The following VIPR1 variants were observed in gnomAD, a reference collection of about 807,000 sequenced individuals.
VIPR1 encodes vasoactive intestinal polypeptide receptor 1.
VIPR1 carries 59 observed loss-of-function variants against 58.8 expected under a neutral mutation model. The observed-to-expected ratio is 1.00, with a 90% CI of 0.81 to 1.25. The LOEUF is 1.25. Among genes scored for constraint, VIPR1 ranks in the 50% most tolerant of loss-of-function variants. The probability of loss-of-function intolerance (pLI) is 0.00; values close to 1 mark genes in which losing one functional copy is unlikely to be tolerated. For synonymous variants in VIPR1, 251 were observed against 242.1 expected (o/e 1.04, Z -0.34); for missense variants, 626 against 602.7 (o/e 1.04, Z -0.40).
intron 2 of VIPR1, among the ~76,000 whole-genome samples, chr3:42,518,536 C>T (rs539990079): frequency 1.1e-4 from 16 of 152,182 alleles, no homozygotes; most frequent in African/African-American, 3.1e-4. Flanking sequence ...GTCAGGAGTT[C>T]GAGATCAGCC....
chr3:42,493,204 C>T (rs113508101), intron 1 of VIPR1, among the ~76,000 whole-genome samples: 334 of 152,258 alleles, frequency 2.2e-3, no homozygotes, highest in African/African-American at 7.5e-3. Context: ...CAGTGAGACC[C>T]GAGGCTATCT....
intron 1 of VIPR1, among the ~76,000 whole-genome samples, chr3:42,513,144 A>G (rs1700441938): frequency 6.6e-6 from 1 of 152,158 alleles, no homozygotes; most frequent in Non-Finnish European, 1.5e-5. Context: ...GTATAGCTTG[A>G]ATTATTTAGA....
At position 42,535,116 on chromosome 3, in the gene VIPR1, T is replaced by G. The variant is rs1451176629; in HGVS notation, c.1140+12T>G. On this transcript the variant is annotated intron_variant, in intron 11 of 12. Transcript: ENST00000325123. ...TGGGGTCTTTCCAGGTATGGGCTGT[T>G]GACTTAAGGCTGCATTCTTCCCTGG... 6.2e-6 allele frequency: 10 copies of G among 1,614,238 alleles called. No homozygotes were observed. The highest frequency in any genetic ancestry group is 8.5e-6 in the Non-Finnish European group (10 of 1,180,034).
chr3:42,531,600 T>C, intron 8 of VIPR1, 69 bp downstream of exon 8: 1 of 1,580,114 alleles, frequency 6.3e-7, no homozygotes, highest in Non-Finnish European at 8.6e-7. Flanking sequence ...GGGATGATAA[T>C]GCCATCTGGC....
intron 1 of VIPR1, among the ~76,000 whole-genome samples, chr3:42,505,321 T>G (rs1700068376): frequency 6.6e-6 from 1 of 152,236 alleles, no homozygotes; most frequent in Non-Finnish European, 1.5e-5. Context: ...ACAGGACCAA[T>G]GGGCCTGCCC....
At position 42,528,131 on chromosome 3, in the gene VIPR1, T is replaced by A; in HGVS notation, c.636+8T>A. 2 of 1,612,282 alleles carry A rather than the reference T, an allele frequency of 1.2e-6. No homozygotes were observed. Among genetic ancestry groups the A allele is most frequent in the Non-Finnish European group, 1.7e-6 (2 of 1,179,312 alleles). ...CAGTGCTCCGAGGGCTCGGTGAGGA[T>A]CCTGGCCCTGGCCCACCTCCCTCAG... On this transcript the variant is annotated splice_region_variant and intron_variant, in intron 6 of 12. Transcript: ENST00000325123.
intron 1 of VIPR1, among the ~76,000 whole-genome samples, chr3:42,511,294 T>C (rs1417402545): frequency 6.6e-6 from 1 of 152,236 alleles, no homozygotes; most frequent in Non-Finnish European, 1.5e-5. Flanking sequence ...CTTTAAGGTT[T>C]CCAGTCCAGT....
chr3:42,532,620 C>G, intron 10 of VIPR1: 1 of 530,810 alleles, frequency 1.9e-6, no homozygotes, highest in South Asian at 2.1e-5. Context: ...AAGAGGACAC[C>G]GATGACCTGT....
At position 42,532,291 on chromosome 3, in the gene VIPR1, T is replaced by C. The variant is rs1490820378; in HGVS notation, c.968T>C (p.Leu323Pro). The change falls in exon 10 of 13, where the codon CTG becomes CCG. Residue 323 changes from leucine (L) to proline (P), a missense_variant. By Grantham distance (98) the Leu-to-Pro change is moderately conservative (BLOSUM62 -3). Transcript: ENST00000325123. ...ATCATCCGAATCCTGCTTCAGAAAC[T>C]GCGGCCCCCAGATATCAGGAAGAGT... ...ICIIRILLQKLRPPDIRKSDS... is the reference protein window; with the variant it reads ...ICIIRILLQKPRPPDIRKSDS... 2 of 1,614,122 alleles carry C rather than the reference T, an allele frequency of 1.2e-6. No homozygotes were observed. The highest frequency in any genetic ancestry group is 2.2e-5 in the East Asian group (1 of 44,878).
At chr3:42,528,817 C>T (rs1701375999) in intron 6 of VIPR1, among the ~76,000 whole-genome samples, 1 of 152,192 alleles carries the variant, frequency 6.6e-6, no homozygotes. Flanking sequence ...TGGTCAGTAA[C>T]TCATTGCTTC....
At chr3:42,530,995 AG>A in intron 7 of VIPR1, 63 bp downstream of exon 7, 2 of 1,590,918 alleles carry the variant, frequency 1.3e-6, no homozygotes, top group Non-Finnish European at 1.7e-6. Flanking sequence ...AGAACTCCCT[AG>A]GGGGAGGGTG....
intron 5 of VIPR1, 50 bp from the exon 6 acceptor site, chr3:42,527,941 G>T: frequency 1.9e-6 from 3 of 1,599,428 alleles, no homozygotes; most frequent in Non-Finnish European, 2.6e-6. Context: ...ATTGGCTGGG[G>T]TGGGGATCCA....
At chr3:42,531,949 T>C (rs926593649) in intron 9 of VIPR1, 80 bp downstream of exon 9, 71 of 1,522,358 alleles carry the variant, frequency 4.7e-5, no homozygotes, top group Non-Finnish European at 6.0e-5. Context: ...ACATGGGAAA[T>C]TAGTATCTAG....
intron 10 of VIPR1, chr3:42,533,040 G>C (rs907751910): frequency 6.6e-6 from 1 of 152,484 alleles, no homozygotes; most frequent in Non-Finnish European, 1.5e-5. Flanking sequence ...GTTTTTTTGC[G>C]GGAGCAACAA....
At chr3:42,518,236 T>C (rs1380967465) in intron 2 of VIPR1, among the ~76,000 whole-genome samples, 1 of 151,992 alleles carries the variant, frequency 6.6e-6, no homozygotes, top group Non-Finnish European at 1.5e-5. Context: ...ATCCTGGGAA[T>C]GTGAGGCCTA....
intron 6 of VIPR1, chr3:42,529,587 G>C (rs1481105106): frequency 6.6e-6 from 1 of 152,270 alleles, no homozygotes; most frequent in East Asian, 1.9e-4. Context: ...CAACCAAAGG[G>C]AGTGGTGGGG....
upstream of VIPR1, chr3:42,500,146 C>CTCCCT (rs2125626565): frequency 1.3e-5 from 2 of 152,368 alleles, no homozygotes; most frequent in East Asian, 3.9e-4. Flanking sequence ...GATTCACCTA[C>CTCCCT]TCCCTTCCGG....
intron 2 of VIPR1, chr3:42,516,827 A>G (rs1162026449): frequency 2.0e-5 from 3 of 152,214 alleles, no homozygotes; most frequent in Admixed American, 6.5e-5. Context: ...CTGTGCCTCC[A>G]TTTCCTCATC....
At position 42,536,766 on chromosome 3, in the gene VIPR1, A is replaced by ATGATACG; in HGVS notation, c.*485_*486insTGATACG. 6.4e-6 allele frequency: 1 copy of ATGATACG among 155,234 alleles called. No homozygotes were observed. Among genetic ancestry groups the ATGATACG allele is most frequent in the Non-Finnish European group, 1.4e-5 (1 of 70,160 alleles). 9.6% of individuals were successfully genotyped at this position (155,234 alleles called of 1,614,324 possible). A position where few individuals can be genotyped will look rare whatever the true frequency, so the allele number is the denominator to read the frequency against. On this transcript the variant is annotated 3_prime_UTR_variant, in exon 13 of 13. Transcript: ENST00000325123. Reference sequence around the variant, plus strand: ...ATTGCTGTCAAGTTCCTTTGGGTTAAGCATTACCACTCAGGCATTTGACTG... The same window carrying ATGATACG: ...ATTGCTGTCAAGTTCCTTTGGGTTAATGATACGGCATTACCACTCAGGCATTTGACTG...
Sources: gnomAD v4.1 joint callset for allele counts (sites outside exome capture counted in the v4.1 genomes callset) on GRCh38, gnomAD v4.1.1 for gene constraint, MANE v1.5 for transcripts, NCBI Gene and HGNC (gene_info 2026-07-23, HGNC 2026-07-21) for gene names.